The following NEB variants were observed in gnomAD, a reference collection of about 807,000 sequenced individuals.
NEB encodes nemaline myopathy type 2.
A neutral mutation model predicts 952.2 loss-of-function variants in NEB; 512 were observed. The ratio of observed to expected loss-of-function variants is 0.54; its 90% confidence interval spans 0.50 to 0.58. The LOEUF (loss-of-function observed/expected upper bound fraction) is 0.58. NEB is among the 20% of genes least tolerant of loss of function. The pLI is 0.00. For synonymous variants in NEB, 2,900 were observed against 3,149.8 expected (o/e 0.92, Z 2.66); for missense variants, 8,428 against 9,231.1 (o/e 0.91, Z 3.56).
At chr2:151,500,445 G>A (rs2063558060) in intron 168 of NEB, among the ~76,000 whole-genome samples, 5 of 151,086 alleles carry the variant, frequency 3.3e-5, no homozygotes, top group Admixed American at 2.0e-4. Context: ...TTGTGTGTTA[G>A]AGTTTTTCAG....
chr2:151,624,429 A>G (rs2098479431), intron 71 of NEB, among the ~76,000 whole-genome samples: 1 of 152,136 alleles, frequency 6.6e-6, no homozygotes, highest in Admixed American at 6.5e-5. Flanking sequence ...TCTGCCTTGG[A>G]TAAAATAAAC....
chr2:151,513,471 A>G (rs1575705104), intron 160 of NEB, 109 bp downstream of exon 160: 1 of 763,954 alleles, frequency 1.3e-6, no homozygotes, highest in Non-Finnish European at 2.1e-6. Context: ...CAAGAATGCC[A>G]TTGTATGCAT....
At chr2:151,531,543 G>A (rs576312700) in intron 144 of NEB, among the ~76,000 whole-genome samples, 57 of 152,082 alleles carry the variant, frequency 3.7e-4, no homozygotes, top group African/African-American at 9.2e-4. Context: ...TCTCAAACTC[G>A]TGGCCTCAAG....
chr2:151,718,811 T>A (rs2150406452), intron 9 of NEB, among the ~76,000 whole-genome samples: 1 of 152,322 alleles, frequency 6.6e-6, no homozygotes, highest in Admixed American at 6.5e-5. Flanking sequence ...ATAATGCATA[T>A]CCTTCTCTCT....
chr2:151,710,726 G>A (rs2099742543), intron 10 of NEB, among the ~76,000 whole-genome samples, 188 bp from the exon 11 acceptor site: 2 of 152,142 alleles, frequency 1.3e-5, no homozygotes, highest in Admixed American at 1.3e-4. Flanking sequence ...TTGGGCGATA[G>A]GGATAGAGAA....
At chr2:151,496,636 G>A (rs73005917) in intron 172 of NEB, among the ~76,000 whole-genome samples, 9,317 of 151,876 alleles carry the variant, frequency 0.061, 939 homozygotes, top group African/African-American at 0.21. Context: ...TTGTGAGTAC[G>A]GTGCCTCCTA....
At chr2:151,705,829 C>A (rs532343989) in intron 13 of NEB, among the ~76,000 whole-genome samples, 1 of 152,126 alleles carries the variant, frequency 6.6e-6, no homozygotes, top group Admixed American at 6.5e-5. Context: ...GAATGAAAAA[C>A]CAAATATCAT....
chr2:151,624,124 A>AT (rs2098472227), intron 71 of NEB, among the ~76,000 whole-genome samples: 1 of 152,168 alleles, frequency 6.6e-6, no homozygotes, highest in Non-Finnish European at 1.5e-5. Flanking sequence ...GTGATCTTAG[A>AT]TTCCTCAGAG....
chr2:151,701,766 A>G (rs1279630252), intron 13 of NEB, among the ~76,000 whole-genome samples: 2 of 148,950 alleles, frequency 1.3e-5, no homozygotes, highest in Admixed American at 6.7e-5. Flanking sequence ...TTTTTTCTTT[A>G]TTAGTCTTGC....
rs201869942 is a variant in NEB at position 151,692,235 on chromosome 2, C to T, written c.1998+26G>A. On this transcript the variant is annotated intron_variant, in intron 21 of 181. Coordinates refer to ENST00000397345, the MANE Select transcript of NEB (RefSeq NM_001164508.2). Reference sequence around the variant, plus strand: ...CAAACAGTAGGAAAGCCCTCCTACCCGAAAGGTAACCGTGGCTTTTCGAAC... The same window carrying T: ...CAAACAGTAGGAAAGCCCTCCTACCTGAAAGGTAACCGTGGCTTTTCGAAC... 19 of 1,608,410 alleles carry T rather than the reference C, an allele frequency of 1.2e-5. No individual in the cohort carries two copies. The East Asian group carries it at 1.3e-4, about 11-fold the overall frequency.
chr2:151,613,687 T>A (rs544243498), intron 77 of NEB, among the ~76,000 whole-genome samples: 37 of 152,312 alleles, frequency 2.4e-4, no homozygotes, highest in South Asian at 1.2e-3. Context: ...GTGATTGGAC[T>A]TCCCCCTTGC....
intron 52 of NEB, among the ~76,000 whole-genome samples, chr2:151,652,772 G>GT (rs1178564672): frequency 1.3e-5 from 2 of 152,124 alleles, no homozygotes; most frequent in Non-Finnish European, 2.9e-5. Flanking sequence ...TCATTTGAGA[G>GT]TAAGATTTCA....
chr2:151,631,292 C>T lies in NEB; in HGVS notation c.9469G>A (p.Gly3157Arg), dbSNP rs766567831. ...WLRGIGWVPI[G>R]SMDVVKCKRA... The stretch of plus-strand genomic sequence containing the variant: ...TTGCACTTGACCACATCCATAGACC[C>T]AATGGGGACCCAGCCAATGCCTCTC... The change falls in exon 66 of 182, where the codon GGG becomes AGG. Residue 3157 changes from glycine (G) to arginine (R), a missense_variant. Around this residue, in one of 11 missense-constraint regions of NEB, gnomAD observed 1,772 missense variants for 1,960.3 expected, o/e 0.90. Transcript: ENST00000397345. 144 of 1,613,730 alleles carry T rather than the reference C, an allele frequency of 8.9e-5. No individual in the cohort carries two copies. The highest frequency in any genetic ancestry group is 1.1e-4 in the Non-Finnish European group (130 of 1,179,850).
chr2:151,492,046 T>C, intron 178 of NEB, 52 bp downstream of exon 178: 2 of 1,565,608 alleles, frequency 1.3e-6, no homozygotes, highest in Non-Finnish European at 1.8e-6. Context: ...ACTTTTGTTC[T>C]TCTACCCCCT....
At chr2:151,595,379 G>A (rs1271194036) in intron 92 of NEB, among the ~76,000 whole-genome samples, 1 of 152,368 alleles carries the variant, frequency 6.6e-6, no homozygotes, top group Non-Finnish European at 1.5e-5. Flanking sequence ...AGACTCCTGA[G>A]TAGCTGGGAT....
intron 17 of NEB, 59 bp downstream of exon 17, chr2:151,696,578 T>C (rs1047255338): frequency 4.7e-5 from 61 of 1,291,382 alleles, no homozygotes; most frequent in African/African-American, 1.0e-4. Context: ...ATTTTATGTA[T>C]AGAGTTATGA....
At chr2:151,512,124 G>A (rs945219187) in intron 161 of NEB, among the ~76,000 whole-genome samples, 5 of 146,556 alleles carry the variant, frequency 3.4e-5, no homozygotes, top group Non-Finnish European at 7.4e-5. Flanking sequence ...TCTGCCTCCC[G>A]GGTTCACGCC....
rs1356324749 is a variant in NEB at position 151,633,659 on chromosome 2, T to C, written c.9409A>G (p.Ser3137Gly). The C allele has an allele frequency of 6.2e-7, 1 of 1,611,712 alleles. No homozygotes were observed. The highest frequency in any genetic ancestry group is 1.3e-5 in the African/African-American group (1 of 74,910). The part of the protein sequence containing the change: ...IHARQAYDLQ[S>G]DNIYKSDLQW... The stretch of plus-strand genomic sequence containing the variant: ...TTTATAGATGCTGTACTCACGTCAC[T>C]CTGGAGGTCATAGGCCTGCCGAGCA... The change falls in exon 65 of 182, where the codon AGT (serine) becomes GGT (glycine). Residue 3137 changes from serine (S) to glycine (G), a missense_variant. Physicochemically the swap from Ser to Gly is moderately conservative, Grantham distance 56. This residue lies in a region of NEB where 1,772 missense variants were observed against 1,960.3 expected (regional missense o/e 0.90). Transcript: ENST00000397345.
chr2:151,560,497 T>C, intron 124 of NEB, 95 bp downstream of exon 124: 1 of 994,844 alleles, frequency 1.0e-6, no homozygotes, highest in Non-Finnish European at 1.5e-6. Flanking sequence ...GGGGTACTTC[T>C]GGACAACGTA....
Sources: gnomAD v4.1 joint callset for allele counts (sites outside exome capture counted in the v4.1 genomes callset) on GRCh38, gnomAD v4.1.1 for gene constraint, gnomAD v4.1.1 regional missense constraint, MANE v1.5 for transcripts, NCBI Gene and HGNC (gene_info 2026-07-23, HGNC 2026-07-21) for gene names.